Variants in CFAP70 observed in about 807,000 individuals in gnomAD.
The protein encoded by CFAP70 is cilia- and flagella-associated protein 70.
In CFAP70, 81 loss-of-function variants were observed where a neutral mutation model predicts 137.6. The observed-to-expected ratio is 0.59, with a 90% confidence interval of 0.49 to 0.71. The LOEUF is 0.71. Among genes scored for constraint, CFAP70 ranks in the 30% least tolerant of loss-of-function variants. The pLI is 0.00. For missense variants in CFAP70, 976 were observed against 1,226.7 expected, an observed-to-expected ratio of 0.80 and a Z score of 3.05; for synonymous variants, 382 against 423.6, an observed-to-expected ratio of 0.90 and a Z score of 1.20.
chr10:73,289,289 T>A (rs2047981406), intron 19 of CFAP70, among the ~76,000 whole-genome samples: 1 of 150,454 alleles, frequency 6.6e-6, no homozygotes, highest in African/African-American at 2.5e-5. Context: ...TTATTTATTA[T>A]TATTATTTTT....
intron 24 of CFAP70, 102 bp downstream of exon 25, chr10:73,272,826 T>C: frequency 1.0e-6 from 1 of 993,832 alleles, no homozygotes; most frequent in East Asian, 2.6e-5. Flanking sequence ...ACAGCCCTGA[T>C]TGCTATTCCA....
chr10:73,330,994 T>C (rs2052019051), intron 8 of CFAP70, among the ~76,000 whole-genome samples, 183 bp downstream of exon 9: 1 of 152,206 alleles, frequency 6.6e-6, no homozygotes, highest in South Asian at 2.1e-4. Flanking sequence ...CAGAGGATTT[T>C]CCTGGGACAT....
intron 6 of CFAP70, among the ~76,000 whole-genome samples, chr10:73,337,482 TCAAA>T (rs930345144): frequency 3.3e-5 from 5 of 150,692 alleles, no homozygotes; most frequent in Admixed American, 2.6e-4. Flanking sequence ...AGACTCTGTC[TCAAA>T]CAAACAAACA....
intron 25 of CFAP70, among the ~76,000 whole-genome samples, chr10:73,256,653 C>T (rs1358643800): frequency 6.6e-6 from 1 of 151,704 alleles, no homozygotes; most frequent in Non-Finnish European, 1.5e-5. Flanking sequence ...CCCATAATCC[C>T]AGCACTTTGG....
chr10:73,354,952 T>C (rs1400724375), intron 1 of CFAP70, 117 bp from the exon 2 acceptor site: 2 of 636,750 alleles, frequency 3.1e-6, no homozygotes, highest in Non-Finnish European at 5.5e-6. Context: ...CAGCACTGTT[T>C]TATTCCCCAT....
chr10:73,287,115 T>C (rs2047783518), intron 19 of CFAP70, among the ~76,000 whole-genome samples: 1 of 152,204 alleles, frequency 6.6e-6, no homozygotes. Context: ...GGCCAGTTTA[T>C]GGCCAGATTT....
intron 6 of CFAP70, 65 bp downstream of exon 7, chr10:73,341,334 C>T: frequency 7.1e-7 from 1 of 1,410,812 alleles, no homozygotes; most frequent in African/African-American, 1.4e-5. Flanking sequence ...CAGTAATTCA[C>T]AAAATGTTTT....
At position 73,354,937 on chromosome 10, in the gene CFAP70, T is replaced by A. The variant is rs1304438302; in HGVS notation, c.-39-102A>T. Reference sequence around the variant, plus strand: ...CCAGGGAAAACCTAAGGAAATGCCATAGTCCAGCACTGTTTTATTCCCCAT... The same window carrying A: ...CCAGGGAAAACCTAAGGAAATGCCAAAGTCCAGCACTGTTTTATTCCCCAT... On this transcript the variant is annotated intron_variant, in intron 1 of 26. Transcript: ENST00000310715. 17 of 704,844 alleles carry A rather than the reference T, an allele frequency of 2.4e-5. No homozygotes were observed. The South Asian group carries it at 2.9e-4, about 12-fold the overall frequency. The allele number at this position is 704,844 out of a possible 1,614,324, so 43.7% of individuals were successfully genotyped here.
chr10:73,345,901 AT>A (rs200994314), intron 4 of CFAP70, among the ~76,000 whole-genome samples: 2 of 151,108 alleles, frequency 1.3e-5, no homozygotes, highest in Admixed American at 6.6e-5. Flanking sequence ...CATTTTTTTA[AT>A]TTTATTTTTT....
In CFAP70 at chr10:73,269,633, A is replaced by C. The variant is rs2046074621; in HGVS notation, c.3008T>G (p.Leu1003Arg). The change falls in exon 25 of 27, where the codon CTG becomes CGG. Residue 1003 changes from leucine to arginine, a missense_variant. Transcript: ENST00000310715. ...ACTCACTTTCAGGCAGACCAGAGCC[A>C]GATATGCCCATACTTCAGCATTGTA... 1.9e-6 allele frequency: 3 copies of C among 1,613,042 alleles called. No individual in the cohort carries two copies. The African/African-American group carries it at 4.0e-5, about 22-fold the overall frequency.
At chr10:73,293,669 G>A (rs1017711931) in intron 15 of CFAP70, 2 of 262,736 alleles carry the variant, frequency 7.6e-6, no homozygotes, top group Non-Finnish European at 1.4e-5. Context: ...AACCCTCAGG[G>A]CATTCATAGT....
intron 19 of CFAP70, among the ~76,000 whole-genome samples, chr10:73,286,964 C>T (rs1387511006): frequency 6.6e-6 from 1 of 152,208 alleles, no homozygotes; most frequent in Non-Finnish European, 1.5e-5. Context: ...GGTTTAAGAA[C>T]GCCTTAAGCA....
intron 22 of CFAP70, chr10:73,274,871 C>T (rs1662196683): frequency 2.9e-6 from 1 of 350,076 alleles, no homozygotes; most frequent in African/African-American, 2.1e-5. Flanking sequence ...CAAGCATAAC[C>T]CCAATACTGT....
intron 8 of CFAP70, among the ~76,000 whole-genome samples, chr10:73,325,271 C>A (rs1002098776): frequency 1.1e-3 from 169 of 152,152 alleles, no homozygotes; most frequent in African/African-American, 2.1e-3. Context: ...AAATACTTTA[C>A]AGACAAGCAA....
At chr10:73,289,238 CATACTT>C (rs1383868735) in intron 19 of CFAP70, among the ~76,000 whole-genome samples, 3 of 152,034 alleles carry the variant, frequency 2.0e-5, no homozygotes, top group East Asian at 1.9e-4. Context: ...AAAAAAGAGA[CATACTT>C]AAACTTTAGA....
intron 14 of CFAP70, among the ~76,000 whole-genome samples, 167 bp from the exon 16 acceptor site, chr10:73,297,340 A>T (rs780624162): frequency 1.3e-5 from 2 of 152,118 alleles, no homozygotes; most frequent in African/African-American, 4.8e-5. Flanking sequence ...CCCCCAATCA[A>T]CATACTCTGT....
At chr10:73,341,301 A>G (rs2053227762) in intron 6 of CFAP70, 98 bp downstream of exon 7, 3 of 1,063,458 alleles carry the variant, frequency 2.8e-6, no homozygotes, top group Non-Finnish European at 4.1e-6. Flanking sequence ...GTATTTCGAC[A>G]GGTGACAAAT....
chr10:73,259,785 C>G (rs951100055), intron 25 of CFAP70, among the ~76,000 whole-genome samples: 1 of 152,126 alleles, frequency 6.6e-6, no homozygotes, highest in African/African-American at 2.4e-5. Flanking sequence ...AATCCCCGCA[C>G]TTTGCAAGGC....
At chr10:73,289,765 G>A (rs2131892531) in intron 19 of CFAP70, among the ~76,000 whole-genome samples, 1 of 152,094 alleles carries the variant, frequency 6.6e-6, no homozygotes, top group African/African-American at 2.4e-5. Flanking sequence ...ATAACAAGAG[G>A]CTGGTCGTGG....
Sources: allele counts gnomAD v4.1 joint callset (sites outside exome capture counted in the v4.1 genomes callset), GRCh38; gene constraint gnomAD v4.1.1; transcripts MANE v1.5; gene names NCBI Gene and HGNC (gene_info 2026-07-23, HGNC 2026-07-21).